The following SPTBN5 variants were observed in gnomAD, a reference collection of about 807,000 sequenced individuals.
SPTBN5 encodes spectrin beta, non-erythrocytic 5.
A neutral mutation model predicts 477.6 loss-of-function variants in SPTBN5; 513 were observed. The ratio of observed to expected loss-of-function variants is 1.07; its 90% CI spans 1.00 to 1.16. The LOEUF is 1.16. Ranked by LOEUF, SPTBN5 falls within the 50% of genes most tolerant of loss-of-function variation. The probability of loss-of-function intolerance (pLI) is 0.00; values close to 1 mark genes in which losing one functional copy is unlikely to be tolerated. For synonymous variants in SPTBN5, 2,169 were observed against 2,011.7 expected, an observed-to-expected ratio of 1.08 and a Z score of -2.09; for missense variants, 5,062 against 4,731.8, an observed-to-expected ratio of 1.07 and a Z score of -2.05.
rs1369102768 is a variant in SPTBN5 at position 41,880,293 on chromosome 15, T to A, written c.2678A>T (p.Glu893Val). 1 of 1,605,208 alleles carries A rather than the reference T, an allele frequency of 6.2e-7. No individual in the cohort carries two copies. The highest frequency in any genetic ancestry group is 1.3e-5 in the African/African-American group (1 of 74,804). The change falls in exon 14 of 68, where the codon GAG (glutamate) becomes GTG (valine). Residue 893 changes from glutamate (E) to valine (V), a missense_variant. Coordinates refer to ENST00000320955, the MANE Select transcript of SPTBN5 (RefSeq NM_016642.4). ...GAAACCGAACAGGGCCATGGCCTCCTCCAACCGGGCCCTGCGGAGCTGGGG... is the reference window on the plus strand; with the variant it reads ...GAAACCGAACAGGGCCATGGCCTCCACCAACCGGGCCCTGCGGAGCTGGGG... The part of the protein sequence containing the change: ...ALAQLRRARL[E>V]EAMALFGFCS...
chr15:41,852,503 C>T, intron 61 of SPTBN5, 131 bp downstream of exon 61: 7 of 1,306,976 alleles, frequency 5.4e-6, no homozygotes, highest in Admixed American at 1.8e-5. Flanking sequence ...CCCACCACCG[C>T]AGCTGGCCAG....
intron 37 of SPTBN5, 29 bp from the exon 38 acceptor site, chr15:41,866,258 C>T (rs1269948964): frequency 6.3e-7 from 1 of 1,579,636 alleles, no homozygotes; most frequent in African/African-American, 1.4e-5. Flanking sequence ...CACAGGACAT[C>T]TTGCCTGCTG....
intron 31 of SPTBN5, 60 bp from the exon 32 acceptor site, chr15:41,870,080 T>G: frequency 6.9e-7 from 1 of 1,454,038 alleles, no homozygotes; most frequent in Non-Finnish European, 9.1e-7. Flanking sequence ...ATCCCACAGA[T>G]GTATCCCTTG....
chr15:41,862,032 G>A (rs1057035625), intron 44 of SPTBN5, 98 bp downstream of exon 44: 68 of 1,509,362 alleles, frequency 4.5e-5, no homozygotes, highest in Middle Eastern at 2.2e-4. Context: ...TAGGCAGGGC[G>A]GGACACTCAG....
At chr15:41,878,695 C>T in intron 16 of SPTBN5, 66 bp from the exon 17 acceptor site, 2 of 1,512,828 alleles carry the variant, frequency 1.3e-6, no homozygotes, top group Non-Finnish European at 1.8e-6. Context: ...GGCACATGTC[C>T]TCTCTCCAAA....
intron 67 of SPTBN5, 98 bp from the exon 68 acceptor site, chr15:41,848,726 C>T: frequency 7.1e-7 from 1 of 1,410,420 alleles, no homozygotes; most frequent in Non-Finnish European, 1.0e-6. Flanking sequence ...CTGGACCAGC[C>T]AGCCTCCTAG....
At chr15:41,871,629 C>G in intron 28 of SPTBN5, 109 bp from the exon 29 acceptor site, 1 of 1,415,656 alleles carries the variant, frequency 7.1e-7, no homozygotes. Flanking sequence ...GCTTGGATAG[C>G]CACGGCGTCT....
Position 41,868,221 on chromosome 15 carries a change from G to C in SPTBN5, c.6058-3C>G. 2 of 1,580,968 alleles carry C rather than the reference G, an allele frequency of 1.3e-6. No individual in the cohort carries two copies. The highest frequency in any genetic ancestry group is 1.7e-6 in the Non-Finnish European group (2 of 1,163,610). ...AGGGCTCGAAGCTCTTCCTGGACCT[G>C]GGGATGGACACATGAGGAGCCTCAG... On this transcript the variant is annotated splice_region_variant and splice_polypyrimidine_tract_variant and intron_variant, in intron 33 of 67. Transcript: ENST00000320955.
chr15:41,867,759 C>A, intron 34 of SPTBN5, 117 bp from the exon 35 acceptor site: 2 of 996,242 alleles, frequency 2.0e-6, no homozygotes, highest in Non-Finnish European at 3.1e-6. Flanking sequence ...GCCCACTGAG[C>A]TTGGCATGGA....
At position 41,873,955 on chromosome 15, in the gene SPTBN5, C is replaced by T. The variant is rs1341497884; in HGVS notation, c.4780G>A (p.Ala1594Thr). Reference protein sequence around the residue: ...RSLAASGHPQAQHIVEQCQEL... With the variant: ...RSLAASGHPQTQHIVEQCQEL... ...TGGCACTGCTCCACGATGTGTTGGG[C>T]TTGGGGGTGCCCTGAGGCTGCCAGG... is the stretch of plus-strand genomic sequence containing the variant. Residue 1594 changes from alanine (A) to threonine (T), a missense_variant, in exon 25 of 68, where the codon GCC (alanine) becomes ACC (threonine). Ala to Thr is a moderately conservative substitution (Grantham distance 58). Transcript: ENST00000320955. The T allele has an allele frequency of 1.2e-6, 2 of 1,609,096 alleles. No homozygotes were observed. Among genetic ancestry groups the T allele is most frequent in the South Asian group, 1.1e-5 (1 of 91,084 alleles).
At chr15:41,859,028 G>C in intron 47 of SPTBN5, 48 bp from the exon 48 acceptor site, 2 of 1,430,152 alleles carry the variant, frequency 1.4e-6, no homozygotes, top group Non-Finnish European at 1.8e-6. Context: ...CCGGGGCCAG[G>C]TGGGGTGCCC....
At chr15:41,861,987 G>T in intron 44 of SPTBN5, 64 bp from the exon 45 acceptor site, 1 of 1,550,196 alleles carries the variant, frequency 6.5e-7, no homozygotes, top group East Asian at 2.4e-5. Flanking sequence ...GGAGAGAGGT[G>T]GGGAAGCAGC....
intron 14 of SPTBN5, 131 bp from the exon 15 acceptor site, chr15:41,879,995 C>A (rs554532442): frequency 1.5e-5 from 22 of 1,431,294 alleles, no homozygotes; most frequent in Non-Finnish European, 2.0e-5. Context: ...GGAAAGACAG[C>A]CATCCGAGTC....
intron 5 of SPTBN5, 52 bp from the exon 6 acceptor site, chr15:41,887,493 T>A (rs1567232617): frequency 7.3e-7 from 1 of 1,379,084 alleles, no homozygotes; most frequent in Non-Finnish European, 1.0e-6. Flanking sequence ...ACTGCTTTCC[T>A]TTAAGTAGAT....
At chr15:41,863,659 T>G (rs1255541896) in intron 41 of SPTBN5, 45 bp downstream of exon 41, 2 of 1,500,984 alleles carry the variant, frequency 1.3e-6, no homozygotes, top group African/African-American at 2.7e-5. Context: ...CTCCCCTGAC[T>G]GCATTTGCTC....
intron 23 of SPTBN5, 38 bp downstream of exon 23, chr15:41,874,801 TGGA>T (rs948382219): frequency 5.1e-6 from 8 of 1,566,878 alleles, no homozygotes; most frequent in African/African-American, 1.4e-5. Flanking sequence ...TAAATTCACA[TGGA>T]GGAGTGACAC....
chr15:41,877,157 A>G lies in SPTBN5; in HGVS notation c.3670T>C (p.Cys1224Arg). 6.2e-7 allele frequency: 1 copy of G among 1,613,966 alleles called. No individual in the cohort carries two copies. Among genetic ancestry groups the G allele is most frequent in the Non-Finnish European group, 8.5e-7 (1 of 1,179,874 alleles). The change falls in exon 18 of 68, where the codon TGT (cysteine) becomes CGT (arginine). Residue 1224 changes from cysteine to arginine, a missense_variant. Transcript: ENST00000320955. The stretch of plus-strand genomic sequence containing the variant: ...TGCAGCCAGGCCTGGTGGTTGGCAC[A>G]GGTGGCAGTGAAACCATCCACTTCT... Reference protein sequence around the residue: ...GREVDGFTATCANHQAWLHLD... With the variant: ...GREVDGFTATRANHQAWLHLD...
At chr15:41,871,088 G>T (rs1394771114) in intron 29 of SPTBN5, among the ~76,000 whole-genome samples, 1 of 152,244 alleles carries the variant, frequency 6.6e-6, no homozygotes, top group Non-Finnish European at 1.5e-5. Flanking sequence ...CAGGAGCTGG[G>T]GTAGCTCAGG....
chr15:41,850,616 G>C, intron 66 of SPTBN5: 1 of 552,492 alleles, frequency 1.8e-6, no homozygotes, highest in African/African-American at 1.9e-5. Context: ...AACAGGACCA[G>C]GACACAGCTG....
Sources: allele counts gnomAD v4.1 joint callset (sites outside exome capture counted in the v4.1 genomes callset), GRCh38; gene constraint gnomAD v4.1.1; transcripts MANE v1.5; gene names NCBI Gene and HGNC (gene_info 2026-07-23, HGNC 2026-07-21).